The following CAST variants were observed in gnomAD, a reference collection of about 807,000 sequenced individuals.
CAST encodes MIR583 host.
CAST carries 76 observed loss-of-function variants against 119.6 expected under a neutral mutation model. That is an observed-to-expected ratio of 0.64 (90% CI 0.53 to 0.77). The LOEUF (loss-of-function observed/expected upper bound fraction) is 0.77. CAST is among the 30% of genes least tolerant of loss of function. The pLI, the probability that CAST is intolerant of heterozygous loss-of-function variation, is 0.00. For missense variants in CAST, 953 were observed against 946.5 expected (o/e 1.01, Z -0.09); for synonymous variants, 319 against 331.6 (o/e 0.96, Z 0.41).
chr5:96,764,333 A>C (rs1200936550), intron 25 of CAST, among the ~76,000 whole-genome samples: 1 of 152,228 alleles, frequency 6.6e-6, no homozygotes, highest in Non-Finnish European at 1.5e-5. Flanking sequence ...AAGGAAACTG[A>C]AGCTGAAAGG....
chr5:96,551,579 A>C (rs1478735836), intron 1 of CAST, among the ~76,000 whole-genome samples: 1 of 152,196 alleles, frequency 6.6e-6, no homozygotes, highest in African/African-American at 2.4e-5. Flanking sequence ...TATTAACCTT[A>C]AATGTAAATG....
At chr5:96,299,321 T>C in the CAST span, among the ~76,000 whole-genome samples, 2 of 152,056 alleles carry the variant, frequency 1.3e-5, no homozygotes, top group South Asian at 4.1e-4. Flanking sequence ...AATTGATTCA[T>C]TAGCTGGATC....
chr5:96,757,490 T>C lies in CAST; in HGVS notation c.1757T>C (p.Leu586Pro), dbSNP rs778411113. The C allele has an allele frequency of 4.6e-5, 74 of 1,613,976 alleles. No individual in the cohort carries two copies. Among genetic ancestry groups the C allele is most frequent in the Middle Eastern group, 1.6e-4 (1 of 6,084 alleles). ...CTGCCAAAAGAGTCTAAGGAACAGC[T>C]TCCAGTAAGCAAACCAGTTTTCTCT... The part of the protein sequence containing the change: ...PLLPKESKEQ[L>P]PPMSEDFLLD... The change falls in exon 23 of 32, where the codon CTT (leucine) becomes CCT (proline). Residue 586 changes from leucine to proline, a missense_variant. Coordinates refer to ENST00000675179, the MANE Select transcript of CAST (RefSeq NM_001750.7).
At chr5:96,423,788 G>A in the CAST span, among the ~76,000 whole-genome samples, 10 of 152,070 alleles carry the variant, frequency 6.6e-5, no homozygotes, top group Admixed American at 6.5e-4. Context: ...TTTCATCTAT[G>A]GAAGCTCTAT....
In CAST at chr5:96,631,603, C is replaced by T. The variant is rs1217097181; in HGVS notation, c.61-43936C>T. Among the ~76,000 whole-genome samples the T allele has an allele frequency of 9.2e-5, 12 of 129,822 alleles. 3 individuals carry two copies. In the South Asian group the frequency reaches 1.0e-3, roughly 11 times the overall value. The allele number at this position is 129,822 out of a possible 152,430, so 85.2% of individuals were successfully genotyped here. A position where few individuals can be genotyped will look rare whatever the true frequency, so the allele number is the denominator to read the frequency against. ...TGAATACTTTTTTTTTTTTTTGAGA[C>T]GGAGTCTTGCTCTGTCTCCCAGGCT... is the stretch of plus-strand genomic sequence containing the variant. On this transcript the variant is annotated intron_variant, in intron 1 of 11. Transcript: ENST00000505143.
intron 1 of CAST, among the ~76,000 whole-genome samples, chr5:96,596,223 T>C (rs1356595718): frequency 2.0e-5 from 3 of 152,196 alleles, no homozygotes; most frequent in Non-Finnish European, 4.4e-5. Flanking sequence ...ACAGTCACAG[T>C]TGTCCTTACA....
At chr5:96,166,757 C>T in the CAST span, among the ~76,000 whole-genome samples, 478 of 152,258 alleles carry the variant, frequency 3.1e-3, 1 homozygote, top group Non-Finnish European at 3.8e-3. Context: ...CCCAAACTTC[C>T]TATCCTCACT....
chr5:96,490,354 CTGTGTG>C, the CAST span, among the ~76,000 whole-genome samples: 64 of 149,606 alleles, frequency 4.3e-4, 1 homozygote, highest in East Asian at 1.8e-3. Context: ...ATGTGTGTGT[CTGTGTG>C]TGTGTGTGTG....
intron 2 of CAST, among the ~76,000 whole-genome samples, chr5:96,681,843 T>G (rs925094577): frequency 3.3e-5 from 5 of 152,128 alleles, no homozygotes; most frequent in African/African-American, 1.2e-4. Context: ...CTTTAATTAT[T>G]ACTCTTGTTT....
At chr5:96,273,753 A>G in the CAST span, among the ~76,000 whole-genome samples, 2 of 152,280 alleles carry the variant, frequency 1.3e-5, no homozygotes, top group South Asian at 2.1e-4. Flanking sequence ...ACACTCTTTC[A>G]TTTACTGGAC....
chr5:96,217,888 C>T, the CAST span, among the ~76,000 whole-genome samples: 1 of 152,112 alleles, frequency 6.6e-6, no homozygotes, highest in African/African-American at 2.4e-5. Context: ...ACATTGGTTA[C>T]GAGGGTCTGT....
the CAST span, among the ~76,000 whole-genome samples, chr5:96,272,062 A>C: frequency 6.6e-6 from 1 of 152,184 alleles, no homozygotes; most frequent in African/African-American, 2.4e-5. Flanking sequence ...CCATAATGAG[A>C]TATCACCTCA....
chr5:96,339,640 T>G, the CAST span, among the ~76,000 whole-genome samples: 1 of 152,180 alleles, frequency 6.6e-6, no homozygotes, highest in African/African-American at 2.4e-5. Flanking sequence ...ACATAAAACT[T>G]GAAGTCATAG....
the CAST span, among the ~76,000 whole-genome samples, chr5:96,453,341 A>G: frequency 6.6e-6 from 1 of 152,252 alleles, no homozygotes; most frequent in Non-Finnish European, 1.5e-5. Flanking sequence ...TAAGATTTAC[A>G]GTTGGTCTAC....
the CAST span, among the ~76,000 whole-genome samples, chr5:95,985,821 G>C: frequency 4.6e-5 from 7 of 152,144 alleles, no homozygotes; most frequent in Admixed American, 2.0e-4. Context: ...ACTGGCCTAG[G>C]GGTTGGGAAA....
intron 18 of CAST, 151 bp downstream of exon 18, chr5:96,747,543 TG>T (rs750517131): frequency 7.5e-6 from 4 of 533,988 alleles, no homozygotes; most frequent in Non-Finnish European, 1.3e-5. Flanking sequence ...AACACTTGGC[TG>T]ATACCTGTAG....
chr5:96,765,241 T>G lies in CAST; in HGVS notation c.1953T>G (p.Asp651Glu). ...RDTSQSDKDL[D>E]DALDKLSDSL... is the part of the protein sequence containing the mutation. ...TTCAGCAGAGTGACAAAGACCTCGA[T>G]GATGCCTTGGATAAACTCTCTGACA... Residue 651 changes from aspartate to glutamate, a missense_variant, in exon 26 of 32, where the codon GAT (aspartate) becomes GAG (glutamate). Transcript: ENST00000675179. 1 of 1,603,240 alleles carries G rather than the reference T, an allele frequency of 6.2e-7. No individual in the cohort carries two copies. The highest frequency in any genetic ancestry group is 8.5e-7 in the Non-Finnish European group (1 of 1,173,360).
chr5:96,099,272 A>T, the CAST span, among the ~76,000 whole-genome samples: 1 of 152,124 alleles, frequency 6.6e-6, no homozygotes, highest in Non-Finnish European at 1.5e-5. Context: ...TCTGCAAACA[A>T]GGAGAGTTTG....
At chr5:96,034,123 T>G in the CAST span, among the ~76,000 whole-genome samples, 5 of 151,756 alleles carry the variant, frequency 3.3e-5, no homozygotes, top group Non-Finnish European at 5.9e-5. Flanking sequence ...TAATAAATTT[T>G]AAAAAATAAG....
Sources: allele counts gnomAD v4.1 joint callset (sites outside exome capture counted in the v4.1 genomes callset), GRCh38; gene constraint gnomAD v4.1.1; transcripts MANE v1.5; gene names NCBI Gene and HGNC (gene_info 2026-07-23, HGNC 2026-07-21).